The following FAM76A variants were observed in gnomAD, a reference collection of about 807,000 sequenced individuals.
FAM76A encodes the protein protein FAM76A.
FAM76A carries 32 observed loss-of-function variants against 46.2 expected under a neutral mutation model. That is an observed-to-expected ratio of 0.69 (90% CI 0.52 to 0.93). The LOEUF (loss-of-function observed/expected upper bound fraction) is 0.93, where lower values mean the gene tolerates loss of function less well. FAM76A is among the 40% of genes least tolerant of loss of function. The probability of loss-of-function intolerance (pLI) is 0.00; values close to 1 mark genes in which losing one functional copy is unlikely to be tolerated. For missense variants in FAM76A, 274 were observed against 361.5 expected (o/e 0.76, Z 1.96); for synonymous variants, 137 against 127.0 (o/e 1.08, Z -0.53).
chr1:27,760,481 T>A lies in FAM76A; in HGVS notation c.838-14T>A. 1 of 1,603,812 alleles carries A rather than the reference T, an allele frequency of 6.2e-7. No homozygotes were observed. The highest frequency in any genetic ancestry group is 1.1e-5 in the South Asian group (1 of 89,950). On this transcript the variant is annotated splice_polypyrimidine_tract_variant and intron_variant, in intron 8 of 8. Transcript: ENST00000373954. ...TTGAAACATCCTTCTTGCACTGATTTTTTTTTTCTTTAGGCCAAAAACCGA... is the reference window on the plus strand; with the variant it reads ...TTGAAACATCCTTCTTGCACTGATTATTTTTTTCTTTAGGCCAAAAACCGA...
At chr1:27,733,013 A>T (rs1478328083) in intron 3 of FAM76A, among the ~76,000 whole-genome samples, 3 of 151,794 alleles carry the variant, frequency 2.0e-5, no homozygotes, top group African/African-American at 7.2e-5. Context: ...GTTCACTGCA[A>T]CCTCCACCTC....
intron 8 of FAM76A, 152 bp downstream of exon 8, chr1:27,759,779 G>GTTTGTTTTTGTTT (rs2088474038): frequency 1.4e-5 from 5 of 363,574 alleles, no homozygotes; most frequent in African/African-American, 1.3e-4. Context: ...TTTTTTTTTT[G>GTTTGTTTTTGTTT]TTTTTTTTTT....
chr1:27,727,355 T>G (rs1274845612), intron 1 of FAM76A, 117 bp from the exon 2 acceptor site: 2 of 774,440 alleles, frequency 2.6e-6, no homozygotes, highest in Non-Finnish European at 4.4e-6. Flanking sequence ...CCAGAAAGTT[T>G]AAGTGACTCA....
Position 27,760,696 on chromosome 1 carries a change from C to A in FAM76A, c.*115C>A. ...TTCTTAAGAAATCTCTATTTTATTA[C>A]AGTTATCCTTCTTTGTGCGATTGCA... On this transcript the variant is annotated 3_prime_UTR_variant, in exon 9 of 9. Coordinates refer to ENST00000373954, the MANE Select transcript of FAM76A (RefSeq NM_152660.3). The A allele has an allele frequency of 1.5e-6, 1 of 660,760 alleles. No individual in the cohort carries two copies. Among genetic ancestry groups the A allele is most frequent in the Middle Eastern group, 2.8e-4 (1 of 3,544 alleles). The allele number at this position is 660,760 out of a possible 1,614,324, so 40.9% of individuals were successfully genotyped here. A position where few individuals can be genotyped will look rare whatever the true frequency, so the allele number is the denominator to read the frequency against.
chr1:27,750,876 A>G (rs991430445), intron 6 of FAM76A, among the ~76,000 whole-genome samples: 2 of 152,252 alleles, frequency 1.3e-5, no homozygotes, highest in African/African-American at 4.8e-5. Context: ...AAGATATTAA[A>G]TGATCATTTT....
intron 6 of FAM76A, among the ~76,000 whole-genome samples, chr1:27,753,135 C>T (rs547489885): frequency 4.5e-4 from 68 of 152,218 alleles, no homozygotes; most frequent in African/African-American, 1.5e-3. Flanking sequence ...CGAGATCATG[C>T]CATTGCACTC....
At chr1:27,741,893 A>G (rs1291721067) in intron 4 of FAM76A, among the ~76,000 whole-genome samples, 1 of 145,674 alleles carries the variant, frequency 6.9e-6, no homozygotes, top group African/African-American at 2.8e-5. Context: ...AAAAAAAAAA[A>G]AAAGAGAGAG....
chr1:27,726,472 C>T (rs1312816857), intron 1 of FAM76A, among the ~76,000 whole-genome samples: 3 of 152,142 alleles, frequency 2.0e-5, no homozygotes, highest in Non-Finnish European at 2.9e-5. Flanking sequence ...TCCCTTTGCG[C>T]TGCCTCCCCC....
At position 27,726,095 on chromosome 1, in the gene FAM76A, C is replaced by T; in HGVS notation, c.15C>T (p.Tyr5=). 7.7e-7 allele frequency: 1 copy of T among 1,292,762 alleles called. No individual in the cohort carries two copies. Among genetic ancestry groups the T allele is most frequent in the Non-Finnish European group, 9.8e-7 (1 of 1,015,766 alleles). 80.1% of individuals were successfully genotyped at this position (1,292,762 alleles called of 1,614,324 possible). A position where few individuals can be genotyped will look rare whatever the true frequency, so the allele number is the denominator to read the frequency against. Residue 5 remains tyrosine (Y), a synonymous_variant, in exon 1 of 9, where the codon TAC becomes TAT. Coordinates refer to ENST00000373954, the MANE Select transcript of FAM76A (RefSeq NM_152660.3). Reference sequence around the variant, plus strand: ...CCGGGCCGGACATGGCGGCGCTCTACGCCTGCACCAAGTGCCACCAGCGCT... The same window carrying T: ...CCGGGCCGGACATGGCGGCGCTCTATGCCTGCACCAAGTGCCACCAGCGCT... MAAL[Y]ACTKCHQRFP... is the part of the protein sequence containing the mutation.
At chr1:27,740,593 T>C in intron 4 of FAM76A, 1 of 854,682 alleles carries the variant, frequency 1.2e-6, no homozygotes, top group Non-Finnish European at 1.9e-6. Flanking sequence ...GAAATATATG[T>C]TCAGAAGCCA....
intron 4 of FAM76A, among the ~76,000 whole-genome samples, chr1:27,741,938 G>A (rs751641015): frequency 4.6e-5 from 7 of 151,862 alleles, no homozygotes; most frequent in Admixed American, 1.3e-4. Context: ...ACCCTTTGGC[G>A]GCTATGGGGA....
At chr1:27,736,968 C>T (rs183364586) in intron 4 of FAM76A, among the ~76,000 whole-genome samples, 3 of 151,108 alleles carry the variant, frequency 2.0e-5, no homozygotes, top group African/African-American at 4.9e-5. Flanking sequence ...TTGTTTGAGA[C>T]GGAGTTTCGC....
intron 2 of FAM76A, among the ~76,000 whole-genome samples, chr1:27,728,990 G>A (rs11809269): frequency 0.13 from 20,294 of 151,232 alleles, 3,447 homozygotes; most frequent in African/African-American, 0.39. Flanking sequence ...GTGAAATGCA[G>A]GTATGAGTGG....
intron 4 of FAM76A, among the ~76,000 whole-genome samples, chr1:27,743,891 C>T (rs1200227621): frequency 6.6e-6 from 1 of 151,352 alleles, no homozygotes; most frequent in African/African-American, 2.4e-5. Context: ...TAGTGTACTA[C>T]AATCACACCA....
intron 1 of FAM76A, among the ~76,000 whole-genome samples, 163 bp downstream of exon 1, chr1:27,726,324 C>T (rs2087858219): frequency 6.6e-6 from 1 of 151,784 alleles, no homozygotes; most frequent in Non-Finnish European, 1.5e-5. Context: ...GGGGCACGTG[C>T]GGGAGCCGGG....
intron 6 of FAM76A, among the ~76,000 whole-genome samples, chr1:27,749,908 T>C (rs1055859195): frequency 6.6e-6 from 1 of 152,226 alleles, no homozygotes; most frequent in Non-Finnish European, 1.5e-5. Flanking sequence ...TCTAAATGCA[T>C]ACTTTTAGTC....
At chr1:27,732,550 T>C in intron 2 of FAM76A, 53 bp from the exon 3 acceptor site, 2 of 1,538,386 alleles carry the variant, frequency 1.3e-6, no homozygotes, top group South Asian at 2.3e-5. Context: ...CTTAAGGAGG[T>C]ATCAGTTTTC....
intron 2 of FAM76A, chr1:27,730,098 G>A (rs1046614215): frequency 6.5e-6 from 1 of 153,594 alleles, no homozygotes; most frequent in Non-Finnish European, 1.5e-5. Context: ...GGTGAGATAG[G>A]AACTATGACC....
At chr1:27,748,423 C>CTCTT (rs2088278077) in intron 5 of FAM76A, among the ~76,000 whole-genome samples, 1 of 148,150 alleles carries the variant, frequency 6.7e-6, no homozygotes. Context: ...CGCGCCCAGC[C>CTCTT]AAAAGAACTT....
Sources: gnomAD v4.1 joint callset for allele counts (sites outside exome capture counted in the v4.1 genomes callset) on GRCh38, gnomAD v4.1.1 for gene constraint, MANE v1.5 for transcripts, NCBI Gene and HGNC (gene_info 2026-07-23, HGNC 2026-07-21) for gene names.